ADAMTSL1: variants seen among roughly 807,000 people sequenced by gnomAD.
The protein encoded by ADAMTSL1 is ADAMTS-like protein 1.
ADAMTSL1 carries 126 observed loss-of-function variants against 201.8 expected under a neutral mutation model. That is an observed-to-expected ratio of 0.62 (90% CI 0.54 to 0.72). The LOEUF (loss-of-function observed/expected upper bound fraction) is 0.72. Among genes scored for constraint, ADAMTSL1 ranks in the 30% least tolerant of loss-of-function variants. The probability of loss-of-function intolerance (pLI) is 0.00; values close to 1 mark genes in which losing one functional copy is unlikely to be tolerated. For missense variants in ADAMTSL1, 2,679 were observed against 2,277.8 expected (o/e 1.18, Z -3.59); for synonymous variants, 1,121 against 903.4 (o/e 1.24, Z -4.32).
chr9:17,962,515 A>G (rs552624752), intron 1 of ADAMTSL1, among the ~76,000 whole-genome samples: 1 of 152,248 alleles, frequency 6.6e-6, no homozygotes, highest in South Asian at 2.1e-4. Context: ...AGGGCCTGCT[A>G]TCTATGTGTA....
intron 1 of ADAMTSL1, among the ~76,000 whole-genome samples, chr9:17,923,582 T>C (rs1319635357): frequency 7.4e-5 from 11 of 148,348 alleles, no homozygotes; most frequent in Non-Finnish European, 1.5e-4. Context: ...AGGGACAATT[T>C]GACTTCCTCT....
chr9:18,557,838 A>G (rs1309330874), intron 3 of ADAMTSL1, among the ~76,000 whole-genome samples: 1 of 151,942 alleles, frequency 6.6e-6, no homozygotes, highest in Non-Finnish European at 1.5e-5. Context: ...ACCCTTTCTC[A>G]CTTGTCTTTT....
At chr9:18,380,788 G>A (rs1040858425) in intron 2 of ADAMTSL1, among the ~76,000 whole-genome samples, 8 of 152,134 alleles carry the variant, frequency 5.3e-5, no homozygotes, top group Non-Finnish European at 1.0e-4. Context: ...GTTCACCTCC[G>A]TTTCTGTCCA....
intron 23 of ADAMTSL1, among the ~76,000 whole-genome samples, chr9:18,876,667 G>C (rs923866849): frequency 8.5e-5 from 13 of 152,200 alleles, no homozygotes; most frequent in African/African-American, 3.1e-4. Flanking sequence ...TGATACTTTT[G>C]GCTTGTAGCT....
At chr9:18,194,431 C>G (rs990004024) in intron 2 of ADAMTSL1, among the ~76,000 whole-genome samples, 4 of 152,072 alleles carry the variant, frequency 2.6e-5, no homozygotes, top group African/African-American at 9.7e-5. Flanking sequence ...TGCTGTCTCT[C>G]TCTGACCCCT....
intron 1 of ADAMTSL1, among the ~76,000 whole-genome samples, chr9:18,053,192 G>T (rs1822013215): frequency 6.6e-6 from 1 of 152,146 alleles, no homozygotes; most frequent in Non-Finnish European, 1.5e-5. Flanking sequence ...ATGGAGAAGG[G>T]TCTTCAGGTG....
At chr9:18,625,098 G>C (rs996678583) in intron 5 of ADAMTSL1, among the ~76,000 whole-genome samples, 4 of 152,142 alleles carry the variant, frequency 2.6e-5, no homozygotes, top group African/African-American at 9.7e-5. Context: ...AGGCTGCTCT[G>C]CAGGGCCCAG....
At chr9:18,665,811 A>G (rs1238962866) in intron 9 of ADAMTSL1, among the ~76,000 whole-genome samples, 1 of 152,110 alleles carries the variant, frequency 6.6e-6, no homozygotes, top group Admixed American at 6.6e-5. Flanking sequence ...TATACTCTTC[A>G]AAATACTTTT....
chr9:18,234,298 T>C (rs962614098), intron 2 of ADAMTSL1, among the ~76,000 whole-genome samples: 1 of 152,106 alleles, frequency 6.6e-6, no homozygotes, highest in African/African-American at 2.4e-5. Context: ...CAGAGTTTAA[T>C]ATAAAATATG....
intron 1 of ADAMTSL1, among the ~76,000 whole-genome samples, chr9:18,032,070 C>G (rs1293797752): frequency 6.6e-6 from 1 of 152,174 alleles, no homozygotes; most frequent in Non-Finnish European, 1.5e-5. Context: ...TAGATTTGTA[C>G]CAAGCCTTCT....
In ADAMTSL1 at chr9:18,595,354, C is replaced by A. The variant is rs80109630; in HGVS notation, c.474+21088C>A. On this transcript the variant is annotated intron_variant, in intron 4 of 28. Transcript: ENST00000380548. The stretch of plus-strand genomic sequence containing the variant: ...GATGGACATGCATCACCCAGCAGGT[C>A]CCTGCACAGACGGGAGAGTTCCTCA... Among the ~76,000 whole-genome samples the A allele has an allele frequency of 9.0e-3, 1,363 of 152,254 alleles. 19 individuals carry two copies. Among genetic ancestry groups the A allele is most frequent in the African/African-American group, 0.031 (1,309 of 41,556 alleles).
rs58783867 is a variant in ADAMTSL1, at chr9:18,805,552, T to G, written c.3805+10028T>G. ...GCTTTGCATGCATCCATTTACTTAC[T>G]CCTCTCAGCCACTGTAGAAGTAGAA... On this transcript the variant is annotated intron_variant, in intron 20 of 28. Coordinates refer to ENST00000380548, the MANE Select transcript of ADAMTSL1 (RefSeq NM_001040272.6). Among the ~76,000 whole-genome samples, 987 of 152,282 alleles carry G rather than the reference T, an allele frequency of 6.5e-3. 13 individuals carry two copies. Among genetic ancestry groups the G allele is most frequent in the African/African-American group, 0.022 (914 of 41,556 alleles).
intron 15 of ADAMTSL1, among the ~76,000 whole-genome samples, chr9:18,753,031 G>A (rs1285644634): frequency 6.6e-6 from 1 of 152,170 alleles, no homozygotes; most frequent in Non-Finnish European, 1.5e-5. Context: ...TGTGCCATCA[G>A]AATAAACATG....
chr9:18,711,603 C>T (rs535240736), intron 14 of ADAMTSL1, among the ~76,000 whole-genome samples: 65 of 151,934 alleles, frequency 4.3e-4, no homozygotes, highest in Non-Finnish European at 6.9e-4. Flanking sequence ...CCTACGCCCA[C>T]GGAGTCTCGC....
intron 2 of ADAMTSL1, among the ~76,000 whole-genome samples, chr9:18,190,321 T>C (rs1353634025): frequency 6.6e-6 from 1 of 152,218 alleles, no homozygotes; most frequent in Non-Finnish European, 1.5e-5. Context: ...TCCAACCAAC[T>C]CTTTTTAATC....
intron 2 of ADAMTSL1, among the ~76,000 whole-genome samples, chr9:18,446,874 C>T (rs1374737649): frequency 6.6e-6 from 1 of 152,124 alleles, no homozygotes; most frequent in African/African-American, 2.4e-5. Context: ...GAAAGGAGTT[C>T]ATTGTAACGT....
chr9:18,534,608 T>C (rs989595088), intron 3 of ADAMTSL1, among the ~76,000 whole-genome samples: 1 of 152,226 alleles, frequency 6.6e-6, no homozygotes, highest in African/African-American at 2.4e-5. Flanking sequence ...TATTCCACAT[T>C]TCTCTTCCGC....
At position 18,027,726 on chromosome 9, in the gene ADAMTSL1, A is replaced by G. The variant is rs199547856; in HGVS notation, c.87+120804A>G. Among the ~76,000 whole-genome samples the G allele has an allele frequency of 1.1e-4, 16 of 152,214 alleles. No homozygotes were observed. In the East Asian group the frequency reaches 1.5e-3, roughly 15 times the overall value. On this transcript the variant is annotated intron_variant, in intron 1 of 29. Coordinates refer to the ADAMTSL1 transcript ENST00000680146. ...ATGGAATATTATGTACATGTCTAGT[A>G]GGTGAAATTGGTCAAGTATAGAATT...
At chr9:17,937,537 A>G (rs1827061946) in intron 1 of ADAMTSL1, among the ~76,000 whole-genome samples, 1 of 120,654 alleles carries the variant, frequency 8.3e-6, no homozygotes, top group African/African-American at 3.0e-5. Context: ...ATGGATTCCT[A>G]CTTTTAAACA....
Sources: allele counts gnomAD v4.1 joint callset (sites outside exome capture counted in the v4.1 genomes callset), GRCh38; gene constraint gnomAD v4.1.1; transcripts MANE v1.5; gene names NCBI Gene and HGNC (gene_info 2026-07-23, HGNC 2026-07-21).